GPC6: variants seen among roughly 807,000 people sequenced by gnomAD.
GPC6 encodes glypican-6.
In GPC6, 14 loss-of-function variants were observed where a neutral mutation model predicts 55.2. The ratio of observed to expected loss-of-function variants is 0.25; its 90% confidence interval spans 0.17 to 0.40. The LOEUF is 0.40. Ranked by LOEUF, GPC6 falls within the 10% of genes least tolerant of loss-of-function variation. The pLI is 1.00. For missense variants in GPC6, 641 were observed against 708.5 expected, an observed-to-expected ratio of 0.90 and a Z score of 1.08; for synonymous variants, 278 against 259.6, an observed-to-expected ratio of 1.07 and a Z score of -0.68.
chr13:93,743,918 A>G (rs1243183840), intron 2 of GPC6, among the ~76,000 whole-genome samples: 1 of 152,170 alleles, frequency 6.6e-6, no homozygotes, highest in African/African-American at 2.4e-5. Context: ...TTTTCTGCTG[A>G]TACTGAATGG....
At chr13:93,467,096 G>A (rs750621331) in intron 1 of GPC6, among the ~76,000 whole-genome samples, 9 of 152,126 alleles carry the variant, frequency 5.9e-5, no homozygotes, top group Non-Finnish European at 1.0e-4. Context: ...ATACAACGTT[G>A]CCTTTCTTCT....
At chr13:93,371,780 TA>T (rs1013479025) in intron 1 of GPC6, among the ~76,000 whole-genome samples, 1 of 151,520 alleles carries the variant, frequency 6.6e-6, no homozygotes, top group Non-Finnish European at 1.5e-5. Context: ...CCTGAGACCT[TA>T]AAAAAAACAA....
At position 93,651,410 on chromosome 13, in the gene GPC6, G is replaced by C. The variant is rs1215030700; in HGVS notation, c.319+105989G>C. On this transcript the variant is annotated intron_variant, in intron 2 of 8. Transcript: ENST00000377047. ...GTTTGAAGAAACAGCTGAGCCTCAG[G>C]AAGGTCAGTGGTGTAGGCAGGCCTT... is the stretch of plus-strand genomic sequence containing the variant. 2.0e-5 allele frequency among the ~76,000 whole-genome samples: 3 copies of C among 152,142 alleles called. No homozygotes were observed. In the East Asian group the frequency reaches 5.8e-4, roughly 29 times the overall value.
intron 3 of GPC6, among the ~76,000 whole-genome samples, chr13:93,889,262 G>A (rs1010058937): frequency 1.6e-4 from 25 of 152,042 alleles, no homozygotes; most frequent in African/African-American, 6.0e-4. Context: ...CCTGTCAGTT[G>A]CTGCTATCTA....
chr13:94,054,583 T>G (rs1884067953), intron 4 of GPC6, among the ~76,000 whole-genome samples: 1 of 152,168 alleles, frequency 6.6e-6, no homozygotes, highest in African/African-American at 2.4e-5. Context: ...CTGGCCTCCT[T>G]AGAGCCTCAA....
chr13:94,306,830 C>A (rs1399491801), intron 6 of GPC6, among the ~76,000 whole-genome samples: 2 of 152,106 alleles, frequency 1.3e-5, no homozygotes, highest in East Asian at 3.8e-4. Context: ...ATTTTTAATT[C>A]AATTTCTTCC....
chr13:93,913,438 A>T (rs910528862), intron 3 of GPC6, among the ~76,000 whole-genome samples: 3 of 152,196 alleles, frequency 2.0e-5, no homozygotes, highest in African/African-American at 4.8e-5. Flanking sequence ...ATCCTTTGCA[A>T]ATCCTGGACC....
intron 1 of GPC6, among the ~76,000 whole-genome samples, chr13:93,473,890 G>C (rs776342814): frequency 1.3e-5 from 2 of 152,184 alleles, no homozygotes; most frequent in Admixed American, 6.5e-5. Flanking sequence ...ACCTGGCTAT[G>C]TGAAGGTGGG....
At chr13:93,784,870 G>C (rs796631152) in intron 2 of GPC6, among the ~76,000 whole-genome samples, 13 of 152,250 alleles carry the variant, frequency 8.5e-5, no homozygotes, top group African/African-American at 3.1e-4. Flanking sequence ...ATGCTATGGG[G>C]TTTCAGAAGA....
At chr13:94,000,821 G>T (rs1881763512) in intron 3 of GPC6, among the ~76,000 whole-genome samples, 1 of 152,134 alleles carries the variant, frequency 6.6e-6, no homozygotes, top group African/African-American at 2.4e-5. Flanking sequence ...GTGTCTTCTG[G>T]TGTGGGACTC....
At chr13:94,260,844 C>T (rs140129922) in intron 4 of GPC6, among the ~76,000 whole-genome samples, 2 of 151,962 alleles carry the variant, frequency 1.3e-5, no homozygotes, top group African/African-American at 2.4e-5. Flanking sequence ...GGAGGAAGGG[C>T]GGAACACTAG....
intron 1 of GPC6, among the ~76,000 whole-genome samples, chr13:93,340,506 A>G (rs956536979): frequency 1.2e-4 from 19 of 152,352 alleles, no homozygotes; most frequent in Middle Eastern, 3.4e-3. Context: ...CATAAGTGAA[A>G]TAAGTGTACA....
chr13:93,388,683 TC>T (rs1393235017), intron 1 of GPC6, among the ~76,000 whole-genome samples: 3 of 152,174 alleles, frequency 2.0e-5, no homozygotes, highest in Non-Finnish European at 4.4e-5. Context: ...TCTTCCACCT[TC>T]CCCGTTACTT....
chr13:93,945,494 G>A lies in GPC6; in HGVS notation c.712-82235G>A, dbSNP rs77172977. On this transcript the variant is annotated intron_variant, in intron 3 of 8. Transcript: ENST00000377047. ...AAGTTGTTGGCAAGGTGAAGCGCAG[G>A]CAGGCTAACTAGAAGCAGGACATCT... Among the ~76,000 whole-genome samples, 551 of 152,310 alleles carry A rather than the reference G, an allele frequency of 3.6e-3. 4 individuals carry two copies. The highest frequency in any genetic ancestry group is 6.4e-3 in the Non-Finnish European group (438 of 68,028).
intron 6 of GPC6, among the ~76,000 whole-genome samples, chr13:94,319,277 C>T (rs1472257286): frequency 1.3e-5 from 2 of 152,120 alleles, no homozygotes; most frequent in African/African-American, 4.8e-5. Flanking sequence ...TGCATCCTAA[C>T]TTATCAAAGT....
intron 2 of GPC6, among the ~76,000 whole-genome samples, chr13:93,673,762 T>C (rs1403549559): frequency 6.6e-6 from 1 of 152,158 alleles, no homozygotes; most frequent in African/African-American, 2.4e-5. Context: ...TGGAAAGATA[T>C]AACAAAACAT....
At chr13:93,278,712 A>G (rs1023384784) in intron 1 of GPC6, among the ~76,000 whole-genome samples, 3 of 152,196 alleles carry the variant, frequency 2.0e-5, no homozygotes, top group East Asian at 1.9e-4. Context: ...ATTTTATATA[A>G]TTTGTAAAGC....
At chr13:94,321,633 T>C (rs1046567455) in intron 6 of GPC6, among the ~76,000 whole-genome samples, 1 of 152,212 alleles carries the variant, frequency 6.6e-6, no homozygotes, top group Non-Finnish European at 1.5e-5. Context: ...ACGGTTATTT[T>C]TTGAGTTCTC....
At chr13:93,475,684 T>G (rs1344471429) in intron 1 of GPC6, among the ~76,000 whole-genome samples, 1 of 152,188 alleles carries the variant, frequency 6.6e-6, no homozygotes, top group Non-Finnish European at 1.5e-5. Flanking sequence ...AATTCATTTT[T>G]AATGCTAGGA....
Sources: gnomAD v4.1 joint callset for allele counts (sites outside exome capture counted in the v4.1 genomes callset) on GRCh38, gnomAD v4.1.1 for gene constraint, MANE v1.5 for transcripts, NCBI Gene and HGNC (gene_info 2026-07-23, HGNC 2026-07-21) for gene names.